Variants in SLC35D1 observed in about 807,000 individuals in gnomAD.
The protein encoded by SLC35D1 is solute carrier family 35 member D1, also known as nucleotide sugar transporter SLC35D1.
SLC35D1 carries 31 observed loss-of-function variants against 46.7 expected under a neutral mutation model. That is an observed-to-expected ratio of 0.66 (90% CI 0.50 to 0.90). The LOEUF is 0.90. Ranked by LOEUF, SLC35D1 falls within the 40% of genes least tolerant of loss-of-function variation. The probability of loss-of-function intolerance (pLI) is 0.00; values close to 1 mark genes in which losing one functional copy is unlikely to be tolerated. For missense variants in SLC35D1, 397 were observed against 426.2 expected (o/e 0.93, Z 0.60); for synonymous variants, 195 against 164.6 (o/e 1.18, Z -1.41).
chr1:66,979,999 G>A, the SLC35D1 span, among the ~76,000 whole-genome samples: 1 of 151,688 alleles, frequency 6.6e-6, no homozygotes, highest in East Asian at 1.9e-4. Flanking sequence ...CCCAACCTCA[G>A]GTGATCCACC....
the SLC35D1 span, among the ~76,000 whole-genome samples, chr1:66,974,064 T>C: frequency 6.6e-6 from 1 of 152,126 alleles, no homozygotes; most frequent in South Asian, 2.1e-4. Flanking sequence ...TCTTAAATTT[T>C]GTCGTGCATT....
At chr1:67,053,743 C>CCGGCG (rs1353747316) in intron 1 of SLC35D1, 68 bp downstream of exon 1, 31 of 1,356,618 alleles carry the variant, frequency 2.3e-5, no homozygotes, top group Non-Finnish European at 3.0e-5. Flanking sequence ...GTCCAGGGAG[C>CCGGCG]CGGCGCCGCG....
At chr1:67,023,470 G>A (rs1558156188) in intron 8 of SLC35D1, among the ~76,000 whole-genome samples, 1 of 147,070 alleles carries the variant, frequency 6.8e-6, no homozygotes, top group African/African-American at 2.5e-5. Context: ...TGAAGTGTCT[G>A]TCTAAATCTT....
chr1:67,049,312 T>C (rs1570645604), intron 6 of SLC35D1, among the ~76,000 whole-genome samples: 1 of 150,236 alleles, frequency 6.7e-6, no homozygotes, highest in African/African-American at 2.4e-5. Flanking sequence ...AAAAAAGAAA[T>C]GCCACATGGT....
intron 5 of SLC35D1, 61 bp downstream of exon 5, chr1:67,050,372 C>T (rs1645296077): frequency 1.6e-6 from 2 of 1,243,960 alleles, no homozygotes; most frequent in South Asian, 2.5e-5. Context: ...TAATATCTCA[C>T]ATATGCTGGG....
the SLC35D1 span, chr1:66,976,731 A>G: frequency 6.4e-7 from 1 of 1,569,132 alleles, no homozygotes; most frequent in South Asian, 1.2e-5. Flanking sequence ...ACGTGAGTTA[A>G]TTTTTTCCTT....
chr1:67,024,269 G>A (rs1318752495), intron 8 of SLC35D1, among the ~76,000 whole-genome samples: 2 of 152,014 alleles, frequency 1.3e-5, no homozygotes, highest in South Asian at 2.1e-4. Context: ...TCTTAATAGT[G>A]TCTTTTGAAG....
intron 10 of SLC35D1, among the ~76,000 whole-genome samples, chr1:67,012,347 C>A (rs906095580): frequency 4.6e-5 from 7 of 152,128 alleles, no homozygotes; most frequent in African/African-American, 1.7e-4. Context: ...TTATTCCTGG[C>A]AATACATTTT....
the SLC35D1 span, among the ~76,000 whole-genome samples, chr1:66,976,121 A>C: frequency 6.6e-6 from 1 of 151,320 alleles, no homozygotes; most frequent in African/African-American, 2.4e-5. Context: ...CTCCTGCCTC[A>C]GCCTCCCGAG....
At chr1:67,007,974 A>G (rs1306959949) in intron 11 of SLC35D1, among the ~76,000 whole-genome samples, 1 of 152,194 alleles carries the variant, frequency 6.6e-6, no homozygotes, top group Non-Finnish European at 1.5e-5. Flanking sequence ...TCATTTTTTA[A>G]AAGTAGAACT....
chr1:67,024,805 G>A (rs1179969513), intron 8 of SLC35D1, among the ~76,000 whole-genome samples: 1 of 151,812 alleles, frequency 6.6e-6, no homozygotes, highest in Non-Finnish European at 1.5e-5. Flanking sequence ...GTACAGTGGC[G>A]TGATCATGGG....
chr1:67,015,227 A>T (rs960787434), intron 10 of SLC35D1, among the ~76,000 whole-genome samples: 6 of 150,398 alleles, frequency 4.0e-5, no homozygotes, highest in East Asian at 3.9e-4. Context: ...AATTAAAAAA[A>T]CAAAAATAAA....
chr1:67,010,183 T>A (rs933520722), intron 10 of SLC35D1, among the ~76,000 whole-genome samples: 1 of 152,050 alleles, frequency 6.6e-6, no homozygotes, highest in Non-Finnish European at 1.5e-5. Flanking sequence ...GAGGGCTGCT[T>A]GAGGTGGGAG....
At chr1:67,047,002 C>T (rs537578979) in intron 7 of SLC35D1, among the ~76,000 whole-genome samples, 15 of 152,174 alleles carry the variant, frequency 9.9e-5, no homozygotes, top group Non-Finnish European at 1.8e-4. Context: ...AAAGACACTG[C>T]AGTGAACACA....
At chr1:66,988,546 T>G in the SLC35D1 span, 1 of 152,192 alleles carries the variant, frequency 6.6e-6, no homozygotes, top group Non-Finnish European at 1.5e-5. Flanking sequence ...AGAATATGAT[T>G]ATTTTCAATT....
rs758448658 is a variant in SLC35D1 at position 67,009,126 on chromosome 1, A to G, written c.918T>C (p.Asp306=). ...TGAAGTTTGTCCACGTGAAAATATA[A>G]TCTCCACCAAAGACCATTCCAATAT... ...ITYIGMVFGG[D]YIFTWTNFIG... Residue 306 remains aspartate (D), a synonymous_variant, in exon 11 of 12, where the codon GAT becomes GAC. Transcript: ENST00000235345. The G allele has an allele frequency of 6.6e-7, 1 of 1,505,986 alleles. No individual in the cohort carries two copies. Among genetic ancestry groups the G allele is most frequent in the East Asian group, 2.3e-5 (1 of 43,910 alleles). 93.3% of individuals were successfully genotyped at this position (1,505,986 alleles called of 1,614,324 possible).
intron 7 of SLC35D1, among the ~76,000 whole-genome samples, chr1:67,042,744 A>C (rs761614811): frequency 4.0e-4 from 61 of 152,302 alleles, no homozygotes; most frequent in Middle Eastern, 3.4e-3. Flanking sequence ...TGGGCTTTTC[A>C]GAAGCCTAGC....
chr1:66,991,175 G>C, the SLC35D1 span, among the ~76,000 whole-genome samples: 2 of 152,028 alleles, frequency 1.3e-5, no homozygotes, highest in African/African-American at 2.4e-5. Context: ...CTTGCTTTTT[G>C]GGGGAGCTCC....
At chr1:67,032,113 A>G (rs1668028629) in intron 8 of SLC35D1, 24 of 984,920 alleles carry the variant, frequency 2.4e-5, no homozygotes, top group Non-Finnish European at 2.9e-5. Context: ...AGCTGTGATT[A>G]CAGATTTAAT....
Sources: gnomAD v4.1 joint callset for allele counts (sites outside exome capture counted in the v4.1 genomes callset) on GRCh38, gnomAD v4.1.1 for gene constraint, MANE v1.5 for transcripts, NCBI Gene and HGNC (gene_info 2026-07-23, HGNC 2026-07-21) for gene names.